Variants in TEKT5 observed in about 807,000 individuals in gnomAD.
TEKT5 encodes the protein tektin-5.
Under a neutral mutation model 48.7 loss-of-function variants are expected in TEKT5, and 52 were observed. The ratio of observed to expected loss-of-function variants is 1.07; its 90% CI spans 0.86 to 1.35. TEKT5 has a LOEUF of 1.35. TEKT5 is among the 40% of genes most tolerant of loss of function. The pLI is 0.00. For missense variants in TEKT5, 831 were observed against 641.6 expected (o/e 1.30, Z -3.19); for synonymous variants, 318 against 267.6 (o/e 1.19, Z -1.84).
intron 5 of TEKT5, among the ~76,000 whole-genome samples, chr16:10,648,092 T>G (rs1898098836): frequency 6.6e-6 from 1 of 152,192 alleles, no homozygotes. Flanking sequence ...GCCTTTGATG[T>G]ACAGCACATG....
intron 6 of TEKT5, among the ~76,000 whole-genome samples, chr16:10,631,222 C>T (rs1457304030): frequency 6.9e-6 from 1 of 144,808 alleles, no homozygotes; most frequent in East Asian, 2.0e-4. Flanking sequence ...TACCATTACA[C>T]TCCAGCCTGG....
In TEKT5 at chr16:10,635,771, G is replaced by A. The variant is rs1897902800; in HGVS notation, c.1234C>T (p.Gln412Ter). 1 of 1,612,042 alleles carries A rather than the reference G, an allele frequency of 6.2e-7. No homozygotes were observed. The highest frequency in any genetic ancestry group is 1.3e-5 in the African/African-American group (1 of 74,998). The change falls in exon 6 of 7, where the codon CAG becomes TAG. Residue 412 changes from glutamine (Q) to a stop codon, truncating the protein, a stop_gained. Coordinates refer to ENST00000283025, the MANE Select transcript of TEKT5 (RefSeq NM_144674.2). LOFTEE classifies it high-confidence loss of function. The stretch of plus-strand genomic sequence containing the variant: ...CTGGCCTCCCTCACTTACTTCAACT[G>A]CGGGATGTCCCTGCACAGCTCCATG... ...PNMELCRDIP[Q>*]LKLVNEVFTI...
chr16:10,664,257 A>C (rs1898422753), intron 5 of TEKT5, among the ~76,000 whole-genome samples: 1 of 152,198 alleles, frequency 6.6e-6, no homozygotes, highest in Non-Finnish European at 1.5e-5. Context: ...GGCTAAGTAC[A>C]TATCTGCTGC....
At chr16:10,654,049 G>A (rs1334264287) in intron 5 of TEKT5, among the ~76,000 whole-genome samples, 1 of 151,896 alleles carries the variant, frequency 6.6e-6, no homozygotes, top group Non-Finnish European at 1.5e-5. Context: ...TGTGTGTGGT[G>A]GCTGTTCTAT....
chr16:10,659,069 T>G (rs1898315087), intron 5 of TEKT5, among the ~76,000 whole-genome samples: 1 of 152,116 alleles, frequency 6.6e-6, no homozygotes, highest in East Asian at 1.9e-4. Flanking sequence ...TGAAGGATGT[T>G]TAGTAGCATC....
At chr16:10,686,260 G>C (rs1898860312) in intron 3 of TEKT5, among the ~76,000 whole-genome samples, 1 of 152,080 alleles carries the variant, frequency 6.6e-6, no homozygotes, top group Non-Finnish European at 1.5e-5. Flanking sequence ...ATAAGTTAGA[G>C]CCCTATCTCA....
At chr16:10,682,195 G>C (rs1898769037) in intron 3 of TEKT5, 59 bp from the exon 4 acceptor site, 3 of 1,580,610 alleles carry the variant, frequency 1.9e-6, no homozygotes, top group Non-Finnish European at 2.6e-6. Context: ...CCCAGCTTGG[G>C]CCACACAGCA....
chr16:10,685,659 A>T (rs1898851555), intron 3 of TEKT5, among the ~76,000 whole-genome samples: 1 of 150,910 alleles, frequency 6.6e-6, no homozygotes, highest in African/African-American at 2.4e-5. Context: ...TCTCTATCTC[A>T]TCTCTTGCCA....
At chr16:10,681,841 G>C (rs927206039) in intron 4 of TEKT5, 152 bp downstream of exon 4, 2 of 1,067,064 alleles carry the variant, frequency 1.9e-6, no homozygotes, top group Admixed American at 2.3e-5. Context: ...ACCCGACTTG[G>C]ATTCTGCCGC....
chr16:10,674,292 C>A (rs920614796), intron 5 of TEKT5, among the ~76,000 whole-genome samples: 3 of 151,984 alleles, frequency 2.0e-5, no homozygotes, highest in Non-Finnish European at 4.4e-5. Flanking sequence ...TCTGGCTCAC[C>A]CACCCTTGCT....
intron 6 of TEKT5, among the ~76,000 whole-genome samples, chr16:10,634,703 T>C (rs1897888686): frequency 6.6e-6 from 1 of 152,132 alleles, no homozygotes; most frequent in South Asian, 2.1e-4. Flanking sequence ...GGTACTGTCA[T>C]TGTCCTTCTG....
In TEKT5 at chr16:10,650,758, G is replaced by A. The variant is rs144988228; in HGVS notation, c.1087-14840C>T. 4.9e-3 allele frequency among the ~76,000 whole-genome samples: 746 copies of A among 152,086 alleles called. 5 individuals carry two copies. Among genetic ancestry groups the A allele is most frequent in the African/African-American group, 0.017 (718 of 41,512 alleles). On this transcript the variant is annotated intron_variant, in intron 5 of 6. Coordinates refer to ENST00000283025, the MANE Select transcript of TEKT5 (RefSeq NM_144674.2). ...AAATCAGCCAGGCGTGGTGGTGTGT[G>A]CCTGTAATCCCAGCTACTCAGGAGG... is the stretch of plus-strand genomic sequence containing the variant.
In TEKT5 at chr16:10,675,929, A is replaced by G. The variant is rs756362879; in HGVS notation, c.1086+30T>C. ...GGAGAAGGGTGAGGGCTTGGCAGAGAAGGCAGGGGTCCTGGGAGGATCTGC... is the reference window on the plus strand; with the variant it reads ...GGAGAAGGGTGAGGGCTTGGCAGAGGAGGCAGGGGTCCTGGGAGGATCTGC... On this transcript the variant is annotated intron_variant, in intron 5 of 6. Coordinates refer to ENST00000283025, the MANE Select transcript of TEKT5 (RefSeq NM_144674.2). 2.5e-6 allele frequency: 4 copies of G among 1,607,728 alleles called. No individual in the cohort carries two copies. In the East Asian group the frequency reaches 6.7e-5, roughly 27 times the overall value.
At chr16:10,648,976 TTCTC>T (rs1567227360) in intron 5 of TEKT5, among the ~76,000 whole-genome samples, 1 of 152,152 alleles carries the variant, frequency 6.6e-6, no homozygotes, top group Admixed American at 6.5e-5. Flanking sequence ...TAGAGACAAG[TTCTC>T]TCTCTGTTGC....
At chr16:10,672,656 A>T (rs893093738) in intron 5 of TEKT5, among the ~76,000 whole-genome samples, 3 of 152,132 alleles carry the variant, frequency 2.0e-5, no homozygotes, top group African/African-American at 7.2e-5. Context: ...AAGGAGTACC[A>T]GGCAGTTATT....
At chr16:10,651,435 G>A (rs1898154174) in intron 5 of TEKT5, among the ~76,000 whole-genome samples, 1 of 152,194 alleles carries the variant, frequency 6.6e-6, no homozygotes, top group South Asian at 2.1e-4. Context: ...TTTGGGAGGG[G>A]TTTTGGTCTG....
intron 5 of TEKT5, among the ~76,000 whole-genome samples, chr16:10,642,024 G>T (rs58212731): frequency 0.022 from 3,427 of 152,334 alleles, 133 homozygotes; most frequent in African/African-American, 0.079. Flanking sequence ...GCTGGCCGCA[G>T]GCTGGCAGGG....
chr16:10,669,918 G>A (rs1034127381), intron 5 of TEKT5, among the ~76,000 whole-genome samples: 1 of 152,148 alleles, frequency 6.6e-6, no homozygotes, highest in Admixed American at 6.5e-5. Context: ...GCTAGCAGTG[G>A]TCAGTATGAC....
intron 6 of TEKT5, among the ~76,000 whole-genome samples, chr16:10,632,161 C>A (rs1290361004): frequency 2.6e-5 from 4 of 152,162 alleles, no homozygotes; most frequent in South Asian, 4.2e-4. Flanking sequence ...ATAGAACTTT[C>A]TAGAGCAAGG....
Sources: allele counts gnomAD v4.1 joint callset (sites outside exome capture counted in the v4.1 genomes callset), GRCh38; gene constraint gnomAD v4.1.1; transcripts MANE v1.5; gene names NCBI Gene and HGNC (gene_info 2026-07-23, HGNC 2026-07-21).